Variants in FBXO38 observed in about 807,000 individuals in gnomAD.
FBXO38 encodes the protein F-box only protein 38.
Under a neutral mutation model 131.9 loss-of-function variants are expected in FBXO38, and 53 were observed. That is an observed-to-expected ratio of 0.40 (90% CI 0.32 to 0.51). The LOEUF (loss-of-function observed/expected upper bound fraction) is 0.51. Among genes scored for constraint, FBXO38 ranks in the 20% least tolerant of loss-of-function variants. FBXO38 has a pLI of 0.53. For synonymous variants in FBXO38, 452 were observed against 505.6 expected (o/e 0.89, Z 1.42); for missense variants, 1,076 against 1,475.6 (o/e 0.73, Z 4.44).
In FBXO38 at chr5:148,394,688, T is replaced by A. The variant is rs868444914; in HGVS notation, c.-63-26T>A. Reference sequence around the variant, plus strand: ...TTTAGTAGGGGGTGTGTTTTTTTAGTCTACTTCGTTCTGTTTGCTTTTCAG... The same window carrying A: ...TTTAGTAGGGGGTGTGTTTTTTTAGACTACTTCGTTCTGTTTGCTTTTCAG... On this transcript the variant is annotated intron_variant, in intron 1 of 21. Transcript: ENST00000340253. 72 of 1,277,516 alleles carry A rather than the reference T, an allele frequency of 5.6e-5. 1 individual carries two copies. The South Asian group carries it at 1.4e-3, about 26-fold the overall frequency. The allele number at this position is 1,277,516 out of a possible 1,614,324, so 79.1% of individuals were successfully genotyped here. A position where few individuals can be genotyped will look rare whatever the true frequency, so the allele number is the denominator to read the frequency against.
Position 148,406,117 on chromosome 5 carries a change from A to G in FBXO38, c.731-140A>G, listed in dbSNP as rs186578118. The G allele has an allele frequency of 7.6e-4, 566 of 746,606 alleles. 2 individuals carry two copies. The highest frequency in any genetic ancestry group is 4.0e-3 in the Admixed American group (119 of 30,044). The allele number at this position is 746,606 out of a possible 1,614,324, so 46.2% of individuals were successfully genotyped here. A position where few individuals can be genotyped will look rare whatever the true frequency, so the allele number is the denominator to read the frequency against. ...TAATAGGCTAACACTTTCATTTGTA[A>G]CAAGAACCTGATTTCAGAGAGCCAA... On this transcript the variant is annotated intron_variant, in intron 6 of 21. Coordinates refer to ENST00000340253, the MANE Select transcript of FBXO38 (RefSeq NM_205836.3).
At chr5:148,409,358 C>G in intron 8 of FBXO38, 141 bp downstream of exon 8, 1 of 638,154 alleles carries the variant, frequency 1.6e-6, no homozygotes, top group Non-Finnish European at 2.8e-6. Flanking sequence ...ACGAAGAAGT[C>G]CAAATAACAG....
chr5:148,410,336 G>T, intron 8 of FBXO38: 1 of 358,428 alleles, frequency 2.8e-6, no homozygotes, highest in Non-Finnish European at 5.1e-6. Context: ...AGATCCAATG[G>T]TTTTAAAAAT....
chr5:148,439,623 A>G (rs1561548941), intron 18 of FBXO38, 24 bp from the exon 19 acceptor site: 2 of 1,595,392 alleles, frequency 1.3e-6, no homozygotes, highest in East Asian at 2.8e-5. Context: ...TGTTGAAGAC[A>G]TCTCTTTATG....
At chr5:148,399,403 C>T in intron 3 of FBXO38, 5 of 407,624 alleles carry the variant, frequency 1.2e-5, no homozygotes, top group East Asian at 8.9e-5. Flanking sequence ...GAACATGAGC[C>T]TTTGGTTAAT....
chr5:148,400,832 C>A (rs1460756141), intron 3 of FBXO38, among the ~76,000 whole-genome samples: 2 of 152,000 alleles, frequency 1.3e-5, no homozygotes, highest in Non-Finnish European at 2.9e-5. Flanking sequence ...ACTCTCTCAA[C>A]TTCATTTTTT....
chr5:148,404,894 C>A, intron 6 of FBXO38, 72 bp downstream of exon 6: 1 of 1,324,768 alleles, frequency 7.5e-7, no homozygotes, highest in African/African-American at 1.5e-5. Context: ...ACTCTAGCTA[C>A]ATTTGTAAAT....
intron 2 of FBXO38, among the ~76,000 whole-genome samples, chr5:148,397,137 G>C (rs1355828352): frequency 6.6e-6 from 1 of 152,060 alleles, no homozygotes; most frequent in Non-Finnish European, 1.5e-5. Context: ...TTTGATTTGA[G>C]GATTCATTGT....
intron 7 of FBXO38, among the ~76,000 whole-genome samples, chr5:148,407,418 A>C (rs1752500421): frequency 6.6e-6 from 1 of 152,186 alleles, no homozygotes; most frequent in African/African-American, 2.4e-5. Context: ...TCACACAAAA[A>C]TTTATTCTAG....
At chr5:148,386,770 T>C (rs1340901265) in intron 1 of FBXO38, among the ~76,000 whole-genome samples, 1 of 152,204 alleles carries the variant, frequency 6.6e-6, no homozygotes, top group African/African-American at 2.4e-5. Context: ...TCCAGACTAC[T>C]GCAATAAAGC....
rs73264554 is a variant in FBXO38 at position 148,395,039 on chromosome 5, C to T, written c.128+135C>T. 2,157 of 924,048 alleles carry T rather than the reference C, an allele frequency of 2.3e-3. 32 individuals are homozygous for T. The African/African-American group carries it at 0.032, about 14-fold the overall frequency. The allele number at this position is 924,048 out of a possible 1,614,324, so 57.2% of individuals were successfully genotyped here. ...TTAAGTAAAAATGTAAAATTTAGTT[C>T]GTCAGTTGCACTGGCTACATTTCAA... On this transcript the variant is annotated intron_variant, in intron 2 of 21. Transcript: ENST00000340253.
intron 9 of FBXO38, among the ~76,000 whole-genome samples, chr5:148,411,968 C>A (rs10515614): frequency 0.088 from 13,344 of 152,126 alleles, 1,141 homozygotes; most frequent in East Asian, 0.23. Context: ...AAGCTCAGAA[C>A]TTGACAAATT....
chr5:148,415,221 G>GT (rs1359513607), intron 10 of FBXO38: 1 of 152,066 alleles, frequency 6.6e-6, no homozygotes, highest in Non-Finnish European at 1.5e-5. Context: ...TTTTTGGTTT[G>GT]TTTGTTTTCT....
At chr5:148,403,633 A>G (rs778984945) in intron 5 of FBXO38, among the ~76,000 whole-genome samples, 8 of 152,058 alleles carry the variant, frequency 5.3e-5, no homozygotes, top group Non-Finnish European at 1.0e-4. Context: ...GTTGCTATAC[A>G]ATGTGTGTGC....
intron 5 of FBXO38, 99 bp downstream of exon 5, chr5:148,402,612 GTTGA>G: frequency 9.5e-7 from 1 of 1,047,882 alleles, no homozygotes; most frequent in Non-Finnish European, 1.4e-6. Flanking sequence ...AGATGGCTTT[GTTGA>G]TTGATGATTG....
intron 2 of FBXO38, among the ~76,000 whole-genome samples, chr5:148,396,060 T>C (rs780623065): frequency 1.3e-5 from 2 of 152,146 alleles, no homozygotes; most frequent in Non-Finnish European, 2.9e-5. Flanking sequence ...TCCTAAGCAC[T>C]GTATTTTTTT....
chr5:148,401,978 T>C lies in FBXO38; in HGVS notation c.263-4T>C. On this transcript the variant is annotated splice_polypyrimidine_tract_variant and splice_region_variant and intron_variant, in intron 3 of 21. Transcript: ENST00000340253. ...CTGGCTCTAAATACTTCTGAACTTC[T>C]CAGGCTTTACAGATGCCAGTTTTCT... 6.2e-7 allele frequency: 1 copy of C among 1,600,494 alleles called. No individual in the cohort carries two copies. Among genetic ancestry groups the C allele is most frequent in the Non-Finnish European group, 8.6e-7 (1 of 1,169,434 alleles).
intron 13 of FBXO38, 70 bp downstream of exon 13, chr5:148,424,187 C>G: frequency 6.8e-7 from 1 of 1,465,350 alleles, no homozygotes; most frequent in Non-Finnish European, 9.2e-7. Flanking sequence ...GTACATGAGA[C>G]AGCGAGAATG....
intron 1 of FBXO38, among the ~76,000 whole-genome samples, chr5:148,385,630 G>C (rs1205650504): frequency 6.6e-6 from 1 of 152,022 alleles, no homozygotes; most frequent in East Asian, 1.9e-4. Flanking sequence ...TTTTTGTTTT[G>C]TTTTGTTTGT....
Sources: gnomAD v4.1 joint callset for allele counts (sites outside exome capture counted in the v4.1 genomes callset) on GRCh38, gnomAD v4.1.1 for gene constraint, MANE v1.5 for transcripts, NCBI Gene and HGNC (gene_info 2026-07-23, HGNC 2026-07-21) for gene names.